ETFDH: variants seen among roughly 807,000 people sequenced by gnomAD.
ETFDH encodes electron transfer flavoprotein dehydrogenase.
A neutral mutation model predicts 73.2 loss-of-function variants in ETFDH; 61 were observed. The observed-to-expected ratio is 0.83, with a 90% confidence interval of 0.68 to 1.03. ETFDH has a LOEUF of 1.03. Among genes scored for constraint, ETFDH ranks in the 50% least tolerant of loss-of-function variants. The probability of loss-of-function intolerance (pLI) is 0.00; values close to 1 mark genes in which losing one functional copy is unlikely to be tolerated. For synonymous variants in ETFDH, 243 were observed against 253.3 expected (o/e 0.96, Z 0.39); for missense variants, 685 against 745.0 (o/e 0.92, Z 0.94).
intron 5 of ETFDH, among the ~76,000 whole-genome samples, chr4:158,687,105 G>A (rs1179308377): frequency 2.0e-5 from 3 of 152,162 alleles, no homozygotes; most frequent in Non-Finnish European, 4.4e-5. Flanking sequence ...TCTTGAGCCT[G>A]CAGAGGAAAC....
At chr4:158,685,274 A>C in intron 5 of ETFDH, 55 bp downstream of exon 5, 1 of 915,438 alleles carries the variant, frequency 1.1e-6, no homozygotes, top group South Asian at 1.4e-5. Context: ...TTTTTTAATA[A>C]GTGGAGAATT....
rs534388496 is a variant in ETFDH at position 158,680,584 on chromosome 4, G to A, written c.152G>A (p.Arg51Gln). Reference protein sequence around the residue: ...RITTHYTIYPRDKDKRWEGVN... With the variant: ...RITTHYTIYPQDKDKRWEGVN... ...ACTACCCATTATACTATTTATCCCC[G>A]GGATAAGGACAAGAGATGGGAAGGT... Residue 51 changes from arginine to glutamine, a missense_variant, in exon 2 of 13, where the codon CGG becomes CAG. This residue lies in a region of ETFDH where 405 missense variants were observed against 399.3 expected (regional missense o/e 1.01). Coordinates refer to ENST00000511912, the MANE Select transcript of ETFDH (RefSeq NM_004453.4). 2.3e-5 allele frequency: 37 copies of A among 1,610,516 alleles called. No homozygotes were observed. In the East Asian group the frequency reaches 5.1e-4, roughly 22 times the overall value.
chr4:158,684,796 C>T, intron 4 of ETFDH, 123 bp downstream of exon 4: 1 of 728,214 alleles, frequency 1.4e-6, no homozygotes, highest in Non-Finnish European at 2.5e-6. Flanking sequence ...GAAGGACTTA[C>T]TCAAAGCTAT....
intron 4 of ETFDH, chr4:158,684,895 G>A (rs1773962722): frequency 1.6e-6 from 1 of 616,434 alleles, no homozygotes; most frequent in Non-Finnish European, 2.9e-6. Flanking sequence ...AGCCAAGCAG[G>A]AATTTCTAAC....
intron 6 of ETFDH, among the ~76,000 whole-genome samples, chr4:158,691,755 C>G (rs980197924): frequency 6.6e-6 from 1 of 152,126 alleles, no homozygotes; most frequent in Non-Finnish European, 1.5e-5. Flanking sequence ...ATTTTTGAAT[C>G]TGAAAGCAAA....
intron 5 of ETFDH, among the ~76,000 whole-genome samples, chr4:158,687,549 C>T (rs747630602): frequency 6.6e-6 from 1 of 152,144 alleles, no homozygotes; most frequent in Non-Finnish European, 1.5e-5. Context: ...TCTTGCTGCC[C>T]ACTTCTGAAT....
intron 9 of ETFDH, among the ~76,000 whole-genome samples, chr4:158,699,623 TTTTG>T (rs913299916): frequency 3.3e-5 from 5 of 152,188 alleles, no homozygotes; most frequent in Non-Finnish European, 7.3e-5. Context: ...TTCATGGACA[TTTTG>T]TTTGTTAGTT....
At chr4:158,693,930 A>G (rs992989716) in intron 6 of ETFDH, among the ~76,000 whole-genome samples, 6 of 152,204 alleles carry the variant, frequency 3.9e-5, no homozygotes, top group Admixed American at 1.3e-4. Context: ...AACAACTCCA[A>G]TGACCACTAA....
chr4:158,707,361 A>G (rs1163555752), intron 12 of ETFDH, among the ~76,000 whole-genome samples: 1 of 152,244 alleles, frequency 6.6e-6, no homozygotes, highest in African/African-American at 2.4e-5. Flanking sequence ...CATTCACAAA[A>G]GAAGATACAC....
In ETFDH at chr4:158,680,535, T is replaced by C. The variant is rs1423884513; in HGVS notation, c.103T>C (p.Ser35Pro). 6.2e-7 allele frequency: 1 copy of C among 1,604,052 alleles called. No homozygotes were observed. Among genetic ancestry groups the C allele is most frequent in the Non-Finnish European group, 8.5e-7 (1 of 1,170,864 alleles). Reference sequence around the variant, plus strand: ...ACCTCTATGTGCTACAAGATGGTCTTCAACTTCTACTGTGCCTCGAATTAC... The same window carrying C: ...ACCTCTATGTGCTACAAGATGGTCTCCAACTTCTACTGTGCCTCGAATTAC... ...YLPLCATRWSSTSTVPRITTH... is the reference protein window; with the variant it reads ...YLPLCATRWSPTSTVPRITTH... Residue 35 changes from serine (S) to proline (P), a missense_variant, in exon 2 of 13, where the codon TCA becomes CCA. Coordinates refer to ENST00000511912, the MANE Select transcript of ETFDH (RefSeq NM_004453.4).
chr4:158,691,960 G>C (rs1475448190), intron 6 of ETFDH, among the ~76,000 whole-genome samples: 4 of 152,156 alleles, frequency 2.6e-5, no homozygotes, highest in Admixed American at 2.6e-4. Context: ...CTAGTGCCTG[G>C]CATAATGCCA....
chr4:158,691,057 CAT>C (rs1489974122), intron 6 of ETFDH, among the ~76,000 whole-genome samples: 1 of 152,040 alleles, frequency 6.6e-6, no homozygotes, highest in African/African-American at 2.4e-5. Flanking sequence ...AAGATAATAA[CAT>C]ACAAATATAC....
chr4:158,681,476 T>A (rs544177075), intron 2 of ETFDH: 9 of 152,298 alleles, frequency 5.9e-5, no homozygotes, highest in African/African-American at 2.2e-4. Flanking sequence ...ACGAAAAAAT[T>A]TTTTTATAAA....
chr4:158,702,463 G>A (rs538551308), intron 9 of ETFDH, among the ~76,000 whole-genome samples: 171 of 148,348 alleles, frequency 1.2e-3, no homozygotes, highest in African/African-American at 4.2e-3. Flanking sequence ...CCGCCCCCAC[G>A]CCCCGCATCC....
intron 5 of ETFDH, among the ~76,000 whole-genome samples, chr4:158,686,893 A>G (rs1347225034): frequency 6.6e-6 from 1 of 152,150 alleles, no homozygotes; most frequent in African/African-American, 2.4e-5. Context: ...GGTTAGCAGG[A>G]GAAAAGGCAT....
chr4:158,697,214 C>A (rs1774329974), intron 7 of ETFDH, among the ~76,000 whole-genome samples: 1 of 152,062 alleles, frequency 6.6e-6, no homozygotes, highest in Admixed American at 6.6e-5. Context: ...CACGCCTCAG[C>A]CTCCTGAGTA....
chr4:158,698,233 A>C (rs562231708), intron 8 of ETFDH, among the ~76,000 whole-genome samples: 2 of 152,196 alleles, frequency 1.3e-5, no homozygotes, highest in African/African-American at 4.8e-5. Context: ...GAATGGAAAA[A>C]TTAGTTTCTG....
At chr4:158,705,101 G>A (rs997573244) in intron 10 of ETFDH, among the ~76,000 whole-genome samples, 1 of 152,110 alleles carries the variant, frequency 6.6e-6, no homozygotes, top group East Asian at 1.9e-4. Flanking sequence ...AACAATGACT[G>A]GAAAAAGTAG....
intron 9 of ETFDH, among the ~76,000 whole-genome samples, chr4:158,702,307 G>A (rs1279390381): frequency 6.6e-6 from 1 of 151,900 alleles, no homozygotes; most frequent in Non-Finnish European, 1.5e-5. Flanking sequence ...TTTGTCATTT[G>A]TGTTGGTAAT....
Sources: gnomAD v4.1 joint callset for allele counts (sites outside exome capture counted in the v4.1 genomes callset) on GRCh38, gnomAD v4.1.1 for gene constraint, gnomAD v4.1.1 regional missense constraint, MANE v1.5 for transcripts, NCBI Gene and HGNC (gene_info 2026-07-23, HGNC 2026-07-21) for gene names.